The following LRBA variants were observed in gnomAD, a reference collection of about 807,000 sequenced individuals.
LRBA encodes lipopolysaccharide-responsive and beige-like anchor protein.
In LRBA, 176 loss-of-function variants were observed where a neutral mutation model predicts 330.0. That is an observed-to-expected ratio of 0.53 (90% confidence interval 0.47 to 0.60). LRBA has a LOEUF of 0.60. LRBA is among the 20% of genes least tolerant of loss of function. The pLI is 0.00. For synonymous variants in LRBA, 1,230 were observed against 1,193.0 expected, an observed-to-expected ratio of 1.03 and a Z score of -0.64; for missense variants, 3,259 against 3,444.8, an observed-to-expected ratio of 0.95 and a Z score of 1.35.
chr4:150,501,559 C>T (rs1428461795), intron 40 of LRBA, among the ~76,000 whole-genome samples: 2 of 151,760 alleles, frequency 1.3e-5, no homozygotes, highest in African/African-American at 2.4e-5. Context: ...GTGTAGTGAG[C>T]CAAGGTCGTG....
At chr4:150,695,364 C>T (rs960235394) in intron 36 of LRBA, among the ~76,000 whole-genome samples, 2 of 152,158 alleles carry the variant, frequency 1.3e-5, no homozygotes, top group African/African-American at 4.8e-5. Flanking sequence ...ACTCTGACAC[C>T]TAGGCTGGAG....
intron 34 of LRBA, among the ~76,000 whole-genome samples, chr4:150,763,765 C>G (rs1735401956): frequency 6.6e-6 from 1 of 151,624 alleles, no homozygotes; most frequent in Admixed American, 6.6e-5. Flanking sequence ...TGCACAAGAA[C>G]AGTAGAACAG....
intron 56 of LRBA, among the ~76,000 whole-genome samples, chr4:150,271,268 C>T (rs1746049771): frequency 6.6e-6 from 1 of 151,610 alleles, no homozygotes; most frequent in South Asian, 2.1e-4. Context: ...GTTTTAAGCA[C>T]AAAACAGGGC....
intron 39 of LRBA, 79 bp downstream of exon 39, chr4:150,590,634 G>C (rs762174800): frequency 4.6e-6 from 6 of 1,312,022 alleles, no homozygotes; most frequent in Non-Finnish European, 6.4e-6. Flanking sequence ...AGTCCTAGTG[G>C]TCACAGCTGA....
intron 36 of LRBA, among the ~76,000 whole-genome samples, chr4:150,704,178 G>T (rs956746972): frequency 6.6e-6 from 1 of 152,044 alleles, no homozygotes; most frequent in South Asian, 2.1e-4. Context: ...CCCACCACTG[G>T]ACTTCAGCCT....
chr4:150,356,722 G>A (rs1737894421), intron 47 of LRBA, among the ~76,000 whole-genome samples: 1 of 151,582 alleles, frequency 6.6e-6, no homozygotes, highest in African/African-American at 2.4e-5. Context: ...TACATCTTCA[G>A]GTAAAACACA....
At chr4:150,972,517 T>TA (rs1579366094) in intron 2 of LRBA, among the ~76,000 whole-genome samples, 2 of 152,222 alleles carry the variant, frequency 1.3e-5, no homozygotes. Flanking sequence ...TTGATCATTA[T>TA]ACATTCTACG....
chr4:150,579,356 G>A lies in LRBA; in HGVS notation c.6330+8692C>T, dbSNP rs773938223. 6.6e-6 allele frequency: 3 copies of A among 455,404 alleles called. No homozygotes were observed. In the Middle Eastern group the frequency reaches 1.1e-3, roughly 160 times the overall value. The allele number at this position is 455,404 out of a possible 1,614,324, so 28.2% of individuals were successfully genotyped here. A position where few individuals can be genotyped will look rare whatever the true frequency, so the allele number is the denominator to read the frequency against. On this transcript the variant is annotated intron_variant, in intron 40 of 56. Coordinates refer to ENST00000651943, the MANE Select transcript of LRBA (RefSeq NM_001364905.1). ...TGCTCTTAGAGCAGAGGCAGCCAGAGTGAGTTGGGGTGGGGGAGGGGGGAG... is the reference window on the plus strand; with the variant it reads ...TGCTCTTAGAGCAGAGGCAGCCAGAATGAGTTGGGGTGGGGGAGGGGGGAG...
At chr4:150,720,683 A>C (rs1164869637) in intron 36 of LRBA, among the ~76,000 whole-genome samples, 1 of 152,204 alleles carries the variant, frequency 6.6e-6, no homozygotes, top group Admixed American at 6.5e-5. Flanking sequence ...TCAAAGTATA[A>C]TCTAAAAAAT....
At chr4:150,436,697 A>C (rs1299396578) in intron 45 of LRBA, 27 bp downstream of exon 45, 2 of 1,592,998 alleles carry the variant, frequency 1.3e-6, no homozygotes, top group Non-Finnish European at 1.7e-6. Context: ...TTATTTAGCC[A>C]TGGTGTATTA....
At chr4:150,555,252 C>T (rs1158841299) in intron 40 of LRBA, among the ~76,000 whole-genome samples, 1 of 152,096 alleles carries the variant, frequency 6.6e-6, no homozygotes, top group Non-Finnish European at 1.5e-5. Flanking sequence ...ACATATAATA[C>T]TACAATGCTA....
At chr4:150,967,456 C>T (rs1418184237) in intron 2 of LRBA, among the ~76,000 whole-genome samples, 1 of 152,214 alleles carries the variant, frequency 6.6e-6, no homozygotes, top group Non-Finnish European at 1.5e-5. Context: ...CCCACTTCTA[C>T]AAAACGACAT....
intron 47 of LRBA, among the ~76,000 whole-genome samples, chr4:150,358,789 TA>T (rs773147582): frequency 5.3e-5 from 8 of 152,092 alleles, no homozygotes; most frequent in African/African-American, 1.9e-4. Context: ...GAAAACAAAA[TA>T]AAAAAAATTT....
At chr4:150,512,466 A>G (rs1402650592) in intron 40 of LRBA, among the ~76,000 whole-genome samples, 1 of 152,146 alleles carries the variant, frequency 6.6e-6, no homozygotes, top group Non-Finnish European at 1.5e-5. Flanking sequence ...GTGAACAAGT[A>G]CTTAGAGGAG....
intron 44 of LRBA, among the ~76,000 whole-genome samples, chr4:150,454,974 TTTTTA>T (rs1753862420): frequency 1.6e-5 from 2 of 125,018 alleles, no homozygotes; most frequent in African/African-American, 2.7e-5. Context: ...TTTATTTTAT[TTTTTA>T]TTTTTTTTAT....
intron 48 of LRBA, 110 bp from the exon 49 acceptor site, chr4:150,326,008 A>C: frequency 2.8e-6 from 2 of 701,962 alleles, no homozygotes; most frequent in South Asian, 3.3e-5. Flanking sequence ...TTTCATGCTG[A>C]AAATCAACCT....
At chr4:150,911,112 A>G (rs1292370304) in intron 9 of LRBA, among the ~76,000 whole-genome samples, 3 of 152,154 alleles carry the variant, frequency 2.0e-5, no homozygotes, top group African/African-American at 7.2e-5. Context: ...GGATTTTTAG[A>G]TATAAGGTCA....
At chr4:150,503,493 T>C (rs762040685) in intron 40 of LRBA, among the ~76,000 whole-genome samples, 9 of 152,162 alleles carry the variant, frequency 5.9e-5, no homozygotes, top group Non-Finnish European at 1.3e-4. Context: ...GAACTGGGTC[T>C]GGAGTGGACT....
chr4:150,965,167 A>G (rs1356036258), intron 2 of LRBA, among the ~76,000 whole-genome samples: 3 of 152,142 alleles, frequency 2.0e-5, no homozygotes, highest in African/African-American at 7.2e-5. Flanking sequence ...ATTAAGTATG[A>G]AATAGTATAT....
Sources: gnomAD v4.1 joint callset for allele counts (sites outside exome capture counted in the v4.1 genomes callset) on GRCh38, gnomAD v4.1.1 for gene constraint, MANE v1.5 for transcripts, NCBI Gene and HGNC (gene_info 2026-07-23, HGNC 2026-07-21) for gene names.